Variants in ARK2C observed in about 807,000 individuals in gnomAD.
ARK2C encodes arkadia (RNF111) C-terminal like ring finger ubiquitin ligase 2C, also known as E3 ubiquitin-protein ligase ARK2C.
At chr18:46,334,331 C>T in the ARK2C span, 2 of 1,584,808 alleles carry the variant, frequency 1.3e-6, no homozygotes, top group African/African-American at 2.8e-5. This position sits in a 1 kb window ranked among gnomAD's most constrained non-coding sequence, Gnocchi z 4.4. Context: ...CTGTGCGAAA[C>T]AGAGGTATCG....
chr18:46,350,895 C>T, the ARK2C span, among the ~76,000 whole-genome samples: 1 of 152,216 alleles, frequency 6.6e-6, no homozygotes, highest in Non-Finnish European at 1.5e-5. Flanking sequence ...CAGATGGGCC[C>T]ATTACCTGGG....
chr18:46,369,198 T>A, the ARK2C span, among the ~76,000 whole-genome samples: 1 of 152,216 alleles, frequency 6.6e-6, no homozygotes, highest in South Asian at 2.1e-4. Flanking sequence ...GCTTGTTGTA[T>A]CTAGAAGCAA....
the ARK2C span, chr18:46,435,373 G>A: frequency 2.5e-6 from 4 of 1,613,782 alleles, no homozygotes; most frequent in South Asian, 3.3e-5. Flanking sequence ...CTCAGCCCAG[G>A]TATTTGGCTG....
At chr18:46,338,222 G>A in the ARK2C span, among the ~76,000 whole-genome samples, 1 of 152,138 alleles carries the variant, frequency 6.6e-6, no homozygotes, top group Admixed American at 6.5e-5. Flanking sequence ...GCCATGATCT[G>A]GAATTTTAAA....
chr18:46,364,369 T>C, the ARK2C span, among the ~76,000 whole-genome samples: 1 of 150,556 alleles, frequency 6.6e-6, no homozygotes, highest in Non-Finnish European at 1.5e-5. Flanking sequence ...GTTAACAACA[T>C]TAAACAAAAC....
At chr18:46,356,491 G>A in the ARK2C span, among the ~76,000 whole-genome samples, 2 of 152,146 alleles carry the variant, frequency 1.3e-5, no homozygotes, top group African/African-American at 4.8e-5. Context: ...CTGAGCCTGA[G>A]GGCAGAGAGA....
the ARK2C span, chr18:46,447,438 A>G: frequency 6.0e-6 from 6 of 999,358 alleles, no homozygotes; most frequent in African/African-American, 8.0e-5. Context: ...GGGAGATGTA[A>G]AGTTCCTTGC....
At chr18:46,383,387 CGT>C in the ARK2C span, among the ~76,000 whole-genome samples, 10 of 152,080 alleles carry the variant, frequency 6.6e-5, no homozygotes, top group Non-Finnish European at 1.3e-4. Context: ...AGGAAAAATA[CGT>C]ATATATAAAA....
chr18:46,433,567 G>C, the ARK2C span: 14 of 1,429,778 alleles, frequency 9.8e-6, no homozygotes, highest in Non-Finnish European at 1.3e-5. Flanking sequence ...GGCAGGGCCA[G>C]GGCGTGGGCA....
the ARK2C span, chr18:46,457,278 A>G: frequency 6.6e-6 from 1 of 152,656 alleles, no homozygotes; most frequent in South Asian, 2.1e-4. Context: ...TTACGGTGAA[A>G]AAGGATTTTG....
the ARK2C span, among the ~76,000 whole-genome samples, chr18:46,427,705 T>C: frequency 6.6e-6 from 1 of 152,178 alleles, no homozygotes; most frequent in Non-Finnish European, 1.5e-5. Context: ...CAAGCAGGTA[T>C]TTACTGGGTG....
At chr18:46,407,365 A>G in the ARK2C span, among the ~76,000 whole-genome samples, 2 of 151,944 alleles carry the variant, frequency 1.3e-5, no homozygotes, top group East Asian at 1.9e-4. Flanking sequence ...TAGCATGGGG[A>G]TTGGCCCTTT....
At chr18:46,347,073 A>C in the ARK2C span, among the ~76,000 whole-genome samples, 3 of 152,176 alleles carry the variant, frequency 2.0e-5, no homozygotes, top group Non-Finnish European at 2.9e-5. Flanking sequence ...GGGAGAGGTC[A>C]CTGAGGCCTG....
At chr18:46,386,105 C>T in the ARK2C span, 1 of 152,186 alleles carries the variant, frequency 6.6e-6, no homozygotes, top group Non-Finnish European at 1.5e-5. Context: ...GAAGCAAATG[C>T]CAAGGCCCAT....
At chr18:46,403,369 C>T in the ARK2C span, among the ~76,000 whole-genome samples, 73 of 152,102 alleles carry the variant, frequency 4.8e-4, no homozygotes, top group African/African-American at 1.6e-3. Flanking sequence ...CTCTCCCTGC[C>T]CCCGGAGAGA....
the ARK2C span, among the ~76,000 whole-genome samples, chr18:46,380,650 T>TGGGAGCA: frequency 4.6e-5 from 7 of 152,126 alleles, no homozygotes; most frequent in Non-Finnish European, 7.4e-5. Context: ...GACTGGGAGC[T>TGGGAGCA]GGGAGCAGGG....
chr18:46,354,801 C>T, the ARK2C span, among the ~76,000 whole-genome samples: 2 of 152,164 alleles, frequency 1.3e-5, no homozygotes, highest in Non-Finnish European at 2.9e-5. Context: ...TGACATTTGA[C>T]ATTCATTTTG....
At chr18:46,388,017 G>T in the ARK2C span, among the ~76,000 whole-genome samples, 1 of 152,210 alleles carries the variant, frequency 6.6e-6, no homozygotes, top group Non-Finnish European at 1.5e-5. Flanking sequence ...TGGCACTTGC[G>T]TTCCAAGCAG....
At chr18:46,344,092 C>T in the ARK2C span, among the ~76,000 whole-genome samples, 1 of 152,226 alleles carries the variant, frequency 6.6e-6, no homozygotes, top group Non-Finnish European at 1.5e-5. Context: ...GGGACAGTCA[C>T]CCACGTTGGC....
Sources: allele counts gnomAD v4.1 joint callset (sites outside exome capture counted in the v4.1 genomes callset), GRCh38; gene constraint gnomAD v4.1.1; non-coding constraint Gnocchi (gnomAD v3.1); transcripts MANE v1.5; gene names NCBI Gene and HGNC (gene_info 2026-07-23, HGNC 2026-07-21).